The following ZNF536 variants were observed in gnomAD, a reference collection of about 807,000 sequenced individuals.
ZNF536 encodes zinc finger protein 536.
In ZNF536, 13 loss-of-function variants were observed where a neutral mutation model predicts 84.5. The ratio of observed to expected loss-of-function variants is 0.15; its 90% CI spans 0.10 to 0.24. The LOEUF is 0.24. Among genes scored for constraint, ZNF536 ranks in the 10% least tolerant of loss-of-function variants. The pLI, the probability that ZNF536 is intolerant of heterozygous loss-of-function variation, is 1.00. For missense variants in ZNF536, 1,536 were observed against 1,747.5 expected, an observed-to-expected ratio of 0.88 and a Z score of 2.16; for synonymous variants, 811 against 742.5, an observed-to-expected ratio of 1.09 and a Z score of -1.50.
At chr19:30,292,966 C>T (rs2045889132) in intron 2 of ZNF536, among the ~76,000 whole-genome samples, 2 of 152,180 alleles carry the variant, frequency 1.3e-5, no homozygotes, top group South Asian at 4.1e-4. Context: ...TGAATTATTT[C>T]CATAACCGAG....
intron 2 of ZNF536, among the ~76,000 whole-genome samples, chr19:30,509,287 C>T (rs2055309343): frequency 6.8e-6 from 1 of 147,654 alleles, no homozygotes; most frequent in Non-Finnish European, 1.5e-5. Context: ...GTATAATATA[C>T]AATATGTAAC....
intron 2 of ZNF536, among the ~76,000 whole-genome samples, chr19:30,289,754 T>C (rs1157947623): frequency 6.6e-6 from 1 of 152,154 alleles, no homozygotes; most frequent in Non-Finnish European, 1.5e-5. Flanking sequence ...TTTTTAGGGG[T>C]GTTTGTTACG....
chr19:30,636,489 C>T (rs2049069892), intron 1 of ZNF536, among the ~76,000 whole-genome samples: 1 of 152,162 alleles, frequency 6.6e-6, no homozygotes, highest in Admixed American at 6.5e-5. Flanking sequence ...GAGGCTCCCT[C>T]CTTCCTTCCT....
chr19:30,386,048 AGCTGGT>A (rs1431658553), intron 1 of ZNF536, among the ~76,000 whole-genome samples: 10 of 152,198 alleles, frequency 6.6e-5, no homozygotes, highest in Admixed American at 2.6e-4. Flanking sequence ...TTCTGATGTC[AGCTGGT>A]GTTGCATCCA....
At chr19:30,261,060 A>T (rs1364660196) in intron 1 of ZNF536, among the ~76,000 whole-genome samples, 1 of 152,098 alleles carries the variant, frequency 6.6e-6, no homozygotes, top group Non-Finnish European at 1.5e-5. Flanking sequence ...GCACTTTGGG[A>T]GGCCGAGGCG....
chr19:30,267,896 C>T (rs2025598913), intron 1 of ZNF536, among the ~76,000 whole-genome samples: 1 of 152,006 alleles, frequency 6.6e-6, no homozygotes, highest in East Asian at 1.9e-4. Context: ...GACACACACA[C>T]ACACACAGAA....
At chr19:30,708,885 A>G (rs1214390510) in intron 1 of ZNF536, among the ~76,000 whole-genome samples, 4 of 152,162 alleles carry the variant, frequency 2.6e-5, no homozygotes. Context: ...AGTGCTGAAT[A>G]TGTGTTTGCT....
chr19:30,354,924 C>T (rs1234451831), intron 3 of ZNF536, among the ~76,000 whole-genome samples: 1 of 152,160 alleles, frequency 6.6e-6, no homozygotes, highest in Non-Finnish European at 1.5e-5. Flanking sequence ...GCTAATTCAG[C>T]CCCAGAGCCT....
At chr19:30,639,118 C>T (rs745493326) in intron 1 of ZNF536, among the ~76,000 whole-genome samples, 1 of 152,136 alleles carries the variant, frequency 6.6e-6, no homozygotes, top group Non-Finnish European at 1.5e-5. Flanking sequence ...CTCATTTGGT[C>T]GTATTTCCTG....
At chr19:30,617,608 C>G (rs1485211043) in intron 1 of ZNF536, among the ~76,000 whole-genome samples, 9 of 151,738 alleles carry the variant, frequency 5.9e-5, no homozygotes, top group Non-Finnish European at 1.2e-4. Context: ...CTGTGGCCTC[C>G]CAAAGTGCTG....
intron 1 of ZNF536, among the ~76,000 whole-genome samples, chr19:30,665,992 G>A (rs1361897195): frequency 6.6e-6 from 1 of 152,160 alleles, no homozygotes; most frequent in Non-Finnish European, 1.5e-5. Context: ...TGGGATCCTG[G>A]GGTCCAGGCT....
chr19:30,502,102 A>G (rs1452826511), intron 2 of ZNF536, among the ~76,000 whole-genome samples: 1 of 152,210 alleles, frequency 6.6e-6, no homozygotes. Context: ...TGACATACCC[A>G]TATCTTTGCC....
At chr19:30,678,237 T>C (rs1415724048) in intron 1 of ZNF536, among the ~76,000 whole-genome samples, 1 of 152,176 alleles carries the variant, frequency 6.6e-6, no homozygotes, top group East Asian at 1.9e-4. Flanking sequence ...GGCCGGGTTA[T>C]GGCCGCTGGC....
chr19:30,360,437 G>A (rs1302944698), intron 3 of ZNF536, among the ~76,000 whole-genome samples: 2 of 152,186 alleles, frequency 1.3e-5, no homozygotes, highest in Admixed American at 1.3e-4. Context: ...TTATGAAATC[G>A]GGCCTTGTCT....
rs2052205541 is a variant in ZNF536 at position 30,444,248 on chromosome 19, ACGCCCAGCAGGCCCCGCTGGC to A, written c.691_711del (p.Gln231_Ala237del). 3 of 1,548,268 alleles carry A rather than the reference ACGCCCAGCAGGCCCCGCTGGC, an allele frequency of 1.9e-6. No individual in the cohort carries two copies. Among genetic ancestry groups the A allele is most frequent in the Non-Finnish European group, 2.6e-6 (3 of 1,153,472 alleles). On this transcript the variant is annotated inframe_deletion, in exon 2 of 5. Transcript: ENST00000355537. ...CGGCCGGACCTGAAGCCCCCGCCGC[ACGCCCAGCAGGCCCCGCTGGC>A]CGCCTGCACCCTGGCCCTGCAGGCT...
At chr19:30,520,784 G>T (rs988582152) in intron 2 of ZNF536, among the ~76,000 whole-genome samples, 66 of 152,234 alleles carry the variant, frequency 4.3e-4, no homozygotes, top group Non-Finnish European at 8.8e-5. Context: ...TAGATGGTGG[G>T]GTTGGGAGGC....
At chr19:30,309,160 T>A (rs2046424901) in intron 2 of ZNF536, among the ~76,000 whole-genome samples, 3 of 151,542 alleles carry the variant, frequency 2.0e-5, no homozygotes, top group Admixed American at 2.0e-4. Flanking sequence ...ACTCAAGAGG[T>A]CGCCAAGCGA....
chr19:30,286,547 AAAGAGAGAGACC>A (rs2045637006), intron 2 of ZNF536, among the ~76,000 whole-genome samples: 1 of 92,544 alleles, frequency 1.1e-5, no homozygotes, highest in South Asian at 4.2e-4. Flanking sequence ...AGAGAGAGAG[AAAGAGAGAGACC>A]GAGAGAGACA....
intron 1 of ZNF536, among the ~76,000 whole-genome samples, chr19:30,596,613 G>T (rs904014654): frequency 3.9e-5 from 6 of 152,056 alleles, no homozygotes; most frequent in African/African-American, 1.4e-4. Flanking sequence ...TGATGAGTTT[G>T]AACTGTTTTG....
Sources: gnomAD v4.1 joint callset for allele counts (sites outside exome capture counted in the v4.1 genomes callset) on GRCh38, gnomAD v4.1.1 for gene constraint, MANE v1.5 for transcripts, NCBI Gene and HGNC (gene_info 2026-07-23, HGNC 2026-07-21) for gene names.